PLCB4: variants seen among roughly 807,000 people sequenced by gnomAD.
PLCB4 encodes the protein 1-phosphatidylinositol 4,5-bisphosphate phosphodiesterase beta-4.
PLCB4 carries 77 observed loss-of-function variants against 178.8 expected under a neutral mutation model. That is an observed-to-expected ratio of 0.43 (90% confidence interval 0.36 to 0.52). PLCB4 has a LOEUF of 0.52. Ranked by LOEUF, PLCB4 falls within the 20% of genes least tolerant of loss-of-function variation. PLCB4 has a pLI of 0.00. For missense variants in PLCB4, 1,024 were observed against 1,453.4 expected (o/e 0.70, Z 4.80); for synonymous variants, 496 against 490.8 (o/e 1.01, Z -0.14).
At chr20:9,160,073 C>A (rs146039936) in intron 2 of PLCB4, among the ~76,000 whole-genome samples, 1 of 152,154 alleles carries the variant, frequency 6.6e-6, no homozygotes, top group African/African-American at 2.4e-5. Flanking sequence ...AGCTGCTGCT[C>A]AGTTCTAGCC....
At chr20:9,288,909 T>A (rs2094557512) in intron 3 of PLCB4, among the ~76,000 whole-genome samples, 1 of 152,040 alleles carries the variant, frequency 6.6e-6, no homozygotes, top group Non-Finnish European at 1.5e-5. Context: ...TCCAGCAAAG[T>A]CTTTTTTCCT....
chr20:9,269,938 A>G (rs2094386299), intron 3 of PLCB4, among the ~76,000 whole-genome samples: 1 of 152,108 alleles, frequency 6.6e-6, no homozygotes, highest in South Asian at 2.1e-4. Context: ...AAGTGCTTCT[A>G]ACTGGTGAAA....
chr20:9,450,320 A>G (rs192072787), intron 32 of PLCB4, among the ~76,000 whole-genome samples: 6 of 152,284 alleles, frequency 3.9e-5, no homozygotes, highest in Admixed American at 2.6e-4. Context: ...TTACAGCACA[A>G]TGAGCTGAGA....
chr20:9,184,786 C>G (rs1460844832), intron 2 of PLCB4, among the ~76,000 whole-genome samples: 8 of 152,114 alleles, frequency 5.3e-5, no homozygotes, highest in Non-Finnish European at 7.4e-5. Flanking sequence ...AAAATCTTGA[C>G]AGTTGTACAT....
intron 9 of PLCB4, among the ~76,000 whole-genome samples, chr20:9,367,980 ATG>A (rs2035923771): frequency 6.6e-6 from 1 of 152,192 alleles, no homozygotes; most frequent in Non-Finnish European, 1.5e-5. Flanking sequence ...AATTGATACC[ATG>A]CCAGAAAAAA....
chr20:9,071,421 T>C (rs147516779), intron 1 of PLCB4, among the ~76,000 whole-genome samples: 1 of 152,308 alleles, frequency 6.6e-6, no homozygotes, highest in African/African-American at 2.4e-5. Flanking sequence ...GTATTCATCT[T>C]TACCTCACCC....
At chr20:9,263,877 G>A (rs2094322369) in intron 3 of PLCB4, among the ~76,000 whole-genome samples, 1 of 152,126 alleles carries the variant, frequency 6.6e-6, no homozygotes, top group Non-Finnish European at 1.5e-5. Flanking sequence ...AAGCAGTAAA[G>A]GTGTTAAAAT....
intron 3 of PLCB4, among the ~76,000 whole-genome samples, chr20:9,296,651 A>T (rs990744784): frequency 1.3e-5 from 2 of 152,198 alleles, no homozygotes; most frequent in Admixed American, 1.3e-4. Context: ...AATGTGGCAC[A>T]TATACACCAT....
intron 2 of PLCB4, among the ~76,000 whole-genome samples, chr20:9,201,318 T>C (rs1469103831): frequency 2.0e-5 from 3 of 152,250 alleles, no homozygotes. Flanking sequence ...ATATATATAA[T>C]TGCATATGCA....
chr20:9,217,501 G>T (rs1400505832), intron 3 of PLCB4, 49 bp downstream of exon 3: 2 of 152,192 alleles, frequency 1.3e-5, no homozygotes, highest in Non-Finnish European at 2.9e-5. Context: ...TAGGTTTCTA[G>T]AACTTTCAGT....
At chr20:9,118,050 A>C (rs902162020) in intron 2 of PLCB4, among the ~76,000 whole-genome samples, 1 of 152,098 alleles carries the variant, frequency 6.6e-6, no homozygotes, top group Non-Finnish European at 1.5e-5. Context: ...AGTGTTGACT[A>C]TCATTATATA....
In PLCB4 at chr20:9,479,941, T is replaced by C. The variant is rs533806290; in HGVS notation, c.*932T>C. 2.9e-4 allele frequency: 45 copies of C among 152,546 alleles called. No homozygotes were observed. Among genetic ancestry groups the C allele is most frequent in the African/African-American group, 1.1e-3 (45 of 41,540 alleles). 9.4% of individuals were successfully genotyped at this position (152,546 alleles called of 1,614,324 possible). ...TAACCTAATGCCAAATAAATACTGG[T>C]TAAATAAATGTATGGCACAGAATAT... On this transcript the variant is annotated 3_prime_UTR_variant, in exon 40 of 40. Coordinates refer to ENST00000378473, the MANE Select transcript of PLCB4 (RefSeq NM_001377142.1).
At chr20:9,129,428 A>T (rs2092217869) in intron 2 of PLCB4, among the ~76,000 whole-genome samples, 1 of 152,144 alleles carries the variant, frequency 6.6e-6, no homozygotes, top group Non-Finnish European at 1.5e-5. Context: ...TCTGCTTGAT[A>T]TCACATTCTA....
chr20:9,430,049 T>C (rs2041291133), intron 28 of PLCB4, among the ~76,000 whole-genome samples: 1 of 151,716 alleles, frequency 6.6e-6, no homozygotes, highest in Non-Finnish European at 1.5e-5. Flanking sequence ...TAACGATAGC[T>C]GATGAGCTAT....
chr20:9,125,499 T>C (rs2092089227), intron 2 of PLCB4, among the ~76,000 whole-genome samples: 1 of 152,200 alleles, frequency 6.6e-6, no homozygotes, highest in Non-Finnish European at 1.5e-5. Context: ...TTCCAATGTA[T>C]AACTTGGCAA....
At chr20:9,379,875 A>G (rs1222298069) in intron 12 of PLCB4, among the ~76,000 whole-genome samples, 179 bp from the exon 13 acceptor site, 5 of 152,140 alleles carry the variant, frequency 3.3e-5, no homozygotes, top group Non-Finnish European at 5.9e-5. Flanking sequence ...GTATTCCCAA[A>G]TGTGGACTTT....
chr20:9,290,445 A>C (rs1041520681), intron 3 of PLCB4, among the ~76,000 whole-genome samples: 2 of 152,102 alleles, frequency 1.3e-5, no homozygotes, highest in African/African-American at 4.8e-5. Flanking sequence ...TATCCTTTCT[A>C]TTGCCTCTGG....
intron 1 of PLCB4, among the ~76,000 whole-genome samples, chr20:9,074,630 C>G (rs1474660740): frequency 6.6e-6 from 1 of 152,050 alleles, no homozygotes; most frequent in Non-Finnish European, 1.5e-5. Context: ...CATGAAGTAC[C>G]AGATCTTCCT....
At chr20:9,338,638 C>G (rs970635016) in intron 6 of PLCB4, among the ~76,000 whole-genome samples, 7 of 152,144 alleles carry the variant, frequency 4.6e-5, no homozygotes, top group African/African-American at 1.7e-4. Context: ...GAATGCACCA[C>G]TGTTCACCAG....
Sources: gnomAD v4.1 joint callset for allele counts (sites outside exome capture counted in the v4.1 genomes callset) on GRCh38, gnomAD v4.1.1 for gene constraint, MANE v1.5 for transcripts, NCBI Gene and HGNC (gene_info 2026-07-23, HGNC 2026-07-21) for gene names.